The following HYDIN variants were observed in gnomAD, a reference collection of about 807,000 sequenced individuals.
HYDIN encodes HYDIN axonemal central pair apparatus protein.
A neutral mutation model predicts 403.9 loss-of-function variants in HYDIN; 132 were observed. That is an observed-to-expected ratio of 0.33 (90% CI 0.28 to 0.38). HYDIN has a LOEUF of 0.38. Among genes scored for constraint, HYDIN ranks in the 10% least tolerant of loss-of-function variants. The pLI, the probability that HYDIN is intolerant of heterozygous loss-of-function variation, is 1.00. For synonymous variants in HYDIN, 1,202 were observed against 1,891.7 expected (o/e 0.64, Z 9.46); for missense variants, 2,827 against 5,009.5 (o/e 0.56, Z 13.15).
At chr16:70,951,692 C>T (rs1231024939) in intron 41 of HYDIN, among the ~76,000 whole-genome samples, 4 of 151,530 alleles carry the variant, frequency 2.6e-5, no homozygotes, top group African/African-American at 9.7e-5. Context: ...CATGACACTT[C>T]TCCAGGGGTT....
chr16:70,810,120 T>C (rs1047502584), intron 84 of HYDIN, 113 bp from the exon 85 acceptor site: 8 of 946,260 alleles, frequency 8.5e-6, no homozygotes, highest in Non-Finnish European at 1.3e-5. Flanking sequence ...GTGCACATGA[T>C]CATGCTGTTC....
At chr16:70,985,577 T>C (rs2079168209) in intron 27 of HYDIN, among the ~76,000 whole-genome samples, 2 of 151,932 alleles carry the variant, frequency 1.3e-5, no homozygotes. Flanking sequence ...GTCTCAGTTT[T>C]TTCACTACAG....
At chr16:71,102,697 T>A (rs1020787561) in intron 10 of HYDIN, among the ~76,000 whole-genome samples, 3 of 151,870 alleles carry the variant, frequency 2.0e-5, no homozygotes, top group African/African-American at 7.3e-5. Flanking sequence ...TTATGCATTA[T>A]CAGCTCATCT....
chr16:71,138,685 T>C (rs1380069237), intron 7 of HYDIN, among the ~76,000 whole-genome samples: 1 of 152,178 alleles, frequency 6.6e-6, no homozygotes, highest in African/African-American at 2.4e-5. Flanking sequence ...ATTGTTACTT[T>C]AATTGGAATA....
chr16:71,224,562 T>TC (rs1304375984), intron 1 of HYDIN, among the ~76,000 whole-genome samples: 5 of 143,662 alleles, frequency 3.5e-5, no homozygotes, highest in Admixed American at 1.4e-4. Context: ...GGTTTTTCTT[T>TC]TTTTTTTTTT....
intron 84 of HYDIN, among the ~76,000 whole-genome samples, chr16:70,810,500 T>C (rs2035412661): frequency 6.6e-6 from 1 of 152,230 alleles, no homozygotes; most frequent in Non-Finnish European, 1.5e-5. Flanking sequence ...TACAGTTTTC[T>C]CATTTCAGTG....
intron 85 of HYDIN, among the ~76,000 whole-genome samples, chr16:70,809,006 A>C (rs967177643): frequency 1.3e-5 from 2 of 152,222 alleles, no homozygotes; most frequent in Non-Finnish European, 2.9e-5. Flanking sequence ...CAAACTGCTT[A>C]TGCCCAGACT....
chr16:71,220,691 T>A (rs2089156854), intron 1 of HYDIN, among the ~76,000 whole-genome samples: 1 of 152,190 alleles, frequency 6.6e-6, no homozygotes, highest in Non-Finnish European at 1.5e-5. Flanking sequence ...TTAAGAATAG[T>A]TACCTCTGGG....
chr16:70,828,963 T>C (rs941128612), intron 81 of HYDIN, among the ~76,000 whole-genome samples: 1 of 124,270 alleles, frequency 8.0e-6, no homozygotes, highest in Non-Finnish European at 1.7e-5. Context: ...GGGTGGAATA[T>C]TGTGGCCACT....
At chr16:71,086,659 T>C (rs909677935) in intron 12 of HYDIN, among the ~76,000 whole-genome samples, 2 of 152,260 alleles carry the variant, frequency 1.3e-5, no homozygotes, top group African/African-American at 4.8e-5. Context: ...GAAGGCTTGC[T>C]TATGATACTG....
chr16:70,936,670 A>G (rs1426425805), intron 44 of HYDIN, among the ~76,000 whole-genome samples: 9 of 151,400 alleles, frequency 5.9e-5, no homozygotes, highest in African/African-American at 2.2e-4. Flanking sequence ...AGTAGCTAGG[A>G]TTACAGGTGT....
chr16:71,074,193 C>T (rs1286844498), intron 13 of HYDIN, among the ~76,000 whole-genome samples: 1 of 151,804 alleles, frequency 6.6e-6, no homozygotes, highest in South Asian at 2.1e-4. Flanking sequence ...TTAAACCCCA[C>T]ATAATATGTC....
intron 1 of HYDIN, among the ~76,000 whole-genome samples, chr16:71,229,115 T>C (rs1257508359): frequency 7.7e-6 from 1 of 130,364 alleles, no homozygotes; most frequent in East Asian, 2.4e-4. Flanking sequence ...ATGAGAACAC[T>C]TGGACACAGG....
chr16:70,901,084 G>A lies in HYDIN; in HGVS notation c.8968C>T (p.Pro2990Ser), dbSNP rs751341216. 1.4e-6 allele frequency: 1 copy of A among 735,294 alleles called. No individual in the cohort carries two copies. The highest frequency in any genetic ancestry group is 2.3e-6 in the Non-Finnish European group (1 of 439,180). 45.5% of individuals were successfully genotyped at this position (735,294 alleles called of 1,614,324 possible). Reference protein sequence around the residue: ...FTVSLMQGTIPPEAEYGLHLY... With the variant: ...FTVSLMQGTISPEAEYGLHLY... ...TGCAGGCCGTACTCAGCCTCAGGGG[G>A]GATGGTCCCCTGCATCAGGGATACA... Residue 2990 changes from proline to serine, a missense_variant, in exon 53 of 86, where the codon CCC (proline) becomes TCC (serine). Transcript: ENST00000393567.
At chr16:71,069,720 C>T (rs992841751) in intron 13 of HYDIN, among the ~76,000 whole-genome samples, 58 of 152,170 alleles carry the variant, frequency 3.8e-4, no homozygotes, top group Admixed American at 6.5e-4. Flanking sequence ...TATGCATTCA[C>T]TCAATGAATA....
chr16:71,186,977 T>C (rs12927616), intron 1 of HYDIN, 59 bp from the exon 2 acceptor site: 695,729 of 1,138,844 alleles, frequency 0.61, 220,075 homozygotes, highest in African/African-American at 0.92. Flanking sequence ...ATACAGGTCA[T>C]AATTTTTTTT....
chr16:70,955,983 T>C (rs1231086250), intron 39 of HYDIN, among the ~76,000 whole-genome samples: 2 of 152,004 alleles, frequency 1.3e-5, no homozygotes, highest in African/African-American at 4.8e-5. Flanking sequence ...CATATCTGGT[T>C]AATTTTTTGT....
At chr16:71,126,081 A>G (rs936184151) in intron 9 of HYDIN, among the ~76,000 whole-genome samples, 6 of 151,950 alleles carry the variant, frequency 3.9e-5, no homozygotes, top group African/African-American at 7.3e-5. Context: ...AGTATTTCTT[A>G]AGCTTATTTG....
At position 70,834,035 on chromosome 16, in the gene HYDIN, G is replaced by T; in HGVS notation, c.13531C>A (p.Leu4511Ile). The stretch of plus-strand genomic sequence containing the variant: ...CTAAGGAGGAAGAGGGGGCGCAGGA[G>T]CCCCATGCATTCCATGAACACTTCC... ...SEEVFMECMG[L>I]LRPLFLLSGC... Residue 4511 changes from leucine (L) to isoleucine (I), a missense_variant, in exon 79 of 86, where the codon CTC becomes ATC. Transcript: ENST00000393567. 5.0e-6 allele frequency: 8 copies of T among 1,604,050 alleles called. No homozygotes were observed. The highest frequency in any genetic ancestry group is 6.8e-6 in the Non-Finnish European group (8 of 1,172,270).
Sources: allele counts gnomAD v4.1 joint callset (sites outside exome capture counted in the v4.1 genomes callset), GRCh38; gene constraint gnomAD v4.1.1; transcripts MANE v1.5; gene names NCBI Gene and HGNC (gene_info 2026-07-23, HGNC 2026-07-21).